Variants in NIPBL observed in about 807,000 individuals in gnomAD.
NIPBL encodes the protein nipped-B-like protein.
Under a neutral mutation model 321.8 loss-of-function variants are expected in NIPBL, and 19 were observed. The ratio of observed to expected loss-of-function variants is 0.06; its 90% confidence interval spans 0.04 to 0.09. The LOEUF (loss-of-function observed/expected upper bound fraction) is 0.09. Among genes scored for constraint, NIPBL ranks in the 10% least tolerant of loss-of-function variants. The pLI is 1.00. For missense variants in NIPBL, 2,210 were observed against 3,327.0 expected (o/e 0.66, Z 8.26); for synonymous variants, 1,106 against 1,114.1 (o/e 0.99, Z 0.14).
chr5:36,906,552 G>A (rs1400306678), intron 1 of NIPBL, among the ~76,000 whole-genome samples: 1 of 152,046 alleles, frequency 6.6e-6, no homozygotes, highest in Non-Finnish European at 1.5e-5. Flanking sequence ...GACAGATTTT[G>A]TTTTACTTAT....
Position 37,008,205 on chromosome 5 carries a change from A to G in NIPBL, c.4320+117A>G, listed in dbSNP as rs183765153. 115 of 705,696 alleles carry G rather than the reference A, an allele frequency of 1.6e-4. No individual in the cohort carries two copies. In the African/African-American group the frequency reaches 1.9e-3, roughly 11 times the overall value. The allele number at this position is 705,696 out of a possible 1,614,324, so 43.7% of individuals were successfully genotyped here. A position where few individuals can be genotyped will look rare whatever the true frequency, so the allele number is the denominator to read the frequency against. ...CCTGGTTTTCAGTACATTCATTTCA[A>G]TCTAAGGACTATTTTACTAAGTCTT... On this transcript the variant is annotated intron_variant, in intron 19 of 46. Transcript: ENST00000282516.
intron 32 of NIPBL, among the ~76,000 whole-genome samples, chr5:37,032,357 G>A (rs1751130053): frequency 6.6e-6 from 1 of 151,292 alleles, no homozygotes. Flanking sequence ...GGATATAGGT[G>A]TGTGTGTATG....
At chr5:37,014,627 A>G (rs1748713864) in intron 21 of NIPBL, 56 bp from the exon 22 acceptor site, 2 of 1,030,336 alleles carry the variant, frequency 1.9e-6, no homozygotes, top group Admixed American at 3.4e-5. Flanking sequence ...GACAATAGCA[A>G]CAGGGCTAAC....
At chr5:37,005,068 AT>A (rs1446477588) in intron 16 of NIPBL, among the ~76,000 whole-genome samples, 1 of 151,930 alleles carries the variant, frequency 6.6e-6, no homozygotes, top group Non-Finnish European at 1.5e-5. Context: ...AAACATGAGG[AT>A]TTTTTGCAAT....
intron 9 of NIPBL, among the ~76,000 whole-genome samples, chr5:36,976,993 T>C (rs1382235507): frequency 6.6e-6 from 1 of 152,030 alleles, no homozygotes; most frequent in Non-Finnish European, 1.5e-5. Flanking sequence ...TTTGTCTGAC[T>C]AGTATGTTAG....
intron 31 of NIPBL, 68 bp downstream of exon 31, chr5:37,026,395 T>G (rs373755347): frequency 2.4e-6 from 2 of 849,474 alleles, no homozygotes; most frequent in Non-Finnish European, 4.0e-6. Flanking sequence ...ACATGTCTTA[T>G]GAAGGAAGAG....
At chr5:37,021,490 G>A (rs1333456735) in intron 27 of NIPBL, among the ~76,000 whole-genome samples, 1 of 152,024 alleles carries the variant, frequency 6.6e-6, no homozygotes, top group Non-Finnish European at 1.5e-5. Context: ...AGACCGTCCT[G>A]GCTAACACAG....
At position 36,986,229 on chromosome 5, in the gene NIPBL, A is replaced by C. The variant is rs146714879; in HGVS notation, c.3049A>C (p.Ile1017Leu). ...KLSLDDVQKL[I>L]KDREDKSRSS... ...GTCTTTGGATGATGTTCAGAAACTT[A>C]TTAAAGATAGAGAGGACAAATCAAG... Residue 1017 changes from isoleucine to leucine, a missense_variant, in exon 10 of 47, where the codon ATT (isoleucine) becomes CTT (leucine). Transcript: ENST00000282516. The C allele has an allele frequency of 2.4e-5, 38 of 1,585,992 alleles. 1 individual carries two copies. The highest frequency in any genetic ancestry group is 2.7e-5 in the African/African-American group (2 of 73,432).
rs1441796137 is a variant in NIPBL, at chr5:37,008,738, CAG to C, written c.4421+18_4421+19del. 3.1e-6 allele frequency: 4 copies of C among 1,305,912 alleles called. No individual in the cohort carries two copies. The highest frequency in any genetic ancestry group is 1.7e-5 in the Admixed American group (1 of 59,556). 80.9% of individuals were successfully genotyped at this position (1,305,912 alleles called of 1,614,324 possible). A position where few individuals can be genotyped will look rare whatever the true frequency, so the allele number is the denominator to read the frequency against. On this transcript the variant is annotated intron_variant, in intron 20 of 46. Coordinates refer to ENST00000282516, the MANE Select transcript of NIPBL (RefSeq NM_133433.4). ...AGGAACTTCAGGTAATTAATTATAACAGAGGTCAAGTTTAATGAAGAACCACC... is the reference window on the plus strand; with the variant it reads ...AGGAACTTCAGGTAATTAATTATAACAGGTCAAGTTTAATGAAGAACCACC...
At chr5:37,022,564 T>C (rs1749767876) in intron 29 of NIPBL, among the ~76,000 whole-genome samples, 174 bp downstream of exon 29, 1 of 152,224 alleles carries the variant, frequency 6.6e-6, no homozygotes, top group South Asian at 2.1e-4. Flanking sequence ...GAATAGCCCT[T>C]GCAATATCAT....
At chr5:36,910,072 C>T (rs567936856) in intron 1 of NIPBL, among the ~76,000 whole-genome samples, 1 of 140,334 alleles carries the variant, frequency 7.1e-6, no homozygotes, top group Non-Finnish European at 1.5e-5. Context: ...GAGACTCAGT[C>T]TAAAAAAAAA....
At chr5:36,909,979 G>A (rs995036181) in intron 1 of NIPBL, among the ~76,000 whole-genome samples, 7 of 152,036 alleles carry the variant, frequency 4.6e-5, no homozygotes, top group Non-Finnish European at 7.4e-5. Context: ...GGGAGGCTGA[G>A]GCAGGAGAAT....
At chr5:36,951,679 A>G (rs944590898) in intron 1 of NIPBL, among the ~76,000 whole-genome samples, 5 of 152,198 alleles carry the variant, frequency 3.3e-5, no homozygotes, top group Admixed American at 3.3e-4. Flanking sequence ...AATCAAATTA[A>G]TAATTTCAAA....
intron 33 of NIPBL, among the ~76,000 whole-genome samples, chr5:37,038,106 C>T (rs950697728): frequency 5.3e-5 from 8 of 151,742 alleles, no homozygotes; most frequent in Admixed American, 4.6e-4. Flanking sequence ...CCTCCCACCT[C>T]GGCCTCCCGA....
intron 1 of NIPBL, among the ~76,000 whole-genome samples, chr5:36,877,973 C>T (rs1417643366): frequency 1.3e-5 from 2 of 152,192 alleles, no homozygotes; most frequent in African/African-American, 2.4e-5. Context: ...GACAGGTTTA[C>T]TCTGCCACTT....
chr5:36,975,242 A>G (rs1262426253), intron 8 of NIPBL, among the ~76,000 whole-genome samples: 1 of 152,142 alleles, frequency 6.6e-6, no homozygotes, highest in Non-Finnish European at 1.5e-5. Flanking sequence ...AAGTAAGTAA[A>G]GGCTCTAGTA....
At chr5:36,975,362 CTTACT>C (rs973465544) in intron 8 of NIPBL, among the ~76,000 whole-genome samples, 1 of 152,034 alleles carries the variant, frequency 6.6e-6, no homozygotes, top group Non-Finnish European at 1.5e-5. Context: ...CGTACTTATT[CTTACT>C]TTAATCAGGA....
chr5:37,029,113 G>A (rs1240775942), intron 32 of NIPBL, among the ~76,000 whole-genome samples: 2 of 152,188 alleles, frequency 1.3e-5, no homozygotes, highest in African/African-American at 4.8e-5. Flanking sequence ...ACAGCAGGAA[G>A]CACATATCTA....
chr5:36,939,156 C>T (rs1738787217), intron 1 of NIPBL, among the ~76,000 whole-genome samples: 1 of 152,170 alleles, frequency 6.6e-6, no homozygotes, highest in South Asian at 2.1e-4. Context: ...GTGCATACCA[C>T]CACACTTGAC....
Sources: gnomAD v4.1 joint callset for allele counts (sites outside exome capture counted in the v4.1 genomes callset) on GRCh38, gnomAD v4.1.1 for gene constraint, MANE v1.5 for transcripts, NCBI Gene and HGNC (gene_info 2026-07-23, HGNC 2026-07-21) for gene names.